LINGO2: variants seen among roughly 807,000 people sequenced by gnomAD.
LINGO2 encodes leucine rich repeat and Ig domain containing 2.
In LINGO2, 14 loss-of-function variants were observed where a neutral mutation model predicts 30.6. The ratio of observed to expected loss-of-function variants is 0.46; its 90% CI spans 0.30 to 0.72. The LOEUF (loss-of-function observed/expected upper bound fraction) is 0.72, where lower values mean the gene tolerates loss of function less well. Among genes scored for constraint, LINGO2 ranks in the 30% least tolerant of loss-of-function variants. The probability of loss-of-function intolerance (pLI) is 0.07; values close to 1 mark genes in which losing one functional copy is unlikely to be tolerated. For missense variants in LINGO2, 729 were observed against 751.7 expected, an observed-to-expected ratio of 0.97 and a Z score of 0.35; for synonymous variants, 317 against 288.5, an observed-to-expected ratio of 1.10 and a Z score of -1.00.
the LINGO2 span, among the ~76,000 whole-genome samples, chr9:28,772,521 C>A: frequency 3.5e-4 from 54 of 152,328 alleles, no homozygotes; most frequent in Non-Finnish European, 7.1e-4. Flanking sequence ...CTTAGCAATT[C>A]TTCAGTAAAT....
At chr9:28,426,240 C>G (rs1393929278) in intron 2 of LINGO2, among the ~76,000 whole-genome samples, 1 of 151,924 alleles carries the variant, frequency 6.6e-6, no homozygotes, top group Non-Finnish European at 1.5e-5. Context: ...ACATCCCCCT[C>G]CAAAATAAAA....
the LINGO2 span, among the ~76,000 whole-genome samples, chr9:28,922,564 A>T: frequency 1.3e-5 from 2 of 152,228 alleles, no homozygotes; most frequent in Non-Finnish European, 2.9e-5. Flanking sequence ...AATTAAAATC[A>T]TATCTCAGTT....
the LINGO2 span, among the ~76,000 whole-genome samples, chr9:29,040,293 T>C: frequency 6.6e-6 from 1 of 152,016 alleles, no homozygotes; most frequent in African/African-American, 2.4e-5. Context: ...AAATATAAAT[T>C]TGGAATCTTT....
intron 4 of LINGO2, among the ~76,000 whole-genome samples, chr9:28,055,624 A>G (rs960367517): frequency 6.6e-6 from 1 of 152,190 alleles, no homozygotes; most frequent in Non-Finnish European, 1.5e-5. Flanking sequence ...ATAGGCTTAC[A>G]TAAAAACGGC....
chr9:29,019,344 T>C, the LINGO2 span, among the ~76,000 whole-genome samples: 3 of 152,208 alleles, frequency 2.0e-5, no homozygotes, highest in Admixed American at 6.5e-5. Context: ...TTATATGTTA[T>C]ATCAGCAAAC....
At chr9:28,043,386 C>A (rs1824278244) in intron 4 of LINGO2, among the ~76,000 whole-genome samples, 1 of 152,160 alleles carries the variant, frequency 6.6e-6, no homozygotes, top group Admixed American at 6.5e-5. Context: ...TTACTGTACA[C>A]ATTGAGGAAG....
chr9:28,931,953 C>A, the LINGO2 span, among the ~76,000 whole-genome samples: 1 of 151,060 alleles, frequency 6.6e-6, no homozygotes, highest in Non-Finnish European at 1.5e-5. Context: ...ACTAAAAATA[C>A]AAAAATTAGC....
At chr9:29,076,616 A>T in the LINGO2 span, among the ~76,000 whole-genome samples, 16 of 132,886 alleles carry the variant, frequency 1.2e-4, no homozygotes, top group Non-Finnish European at 2.3e-4. Flanking sequence ...TATATAATAG[A>T]TATAATAAAT....
chr9:28,837,682 T>TATATATATATATATATATATATA, the LINGO2 span, among the ~76,000 whole-genome samples: 2 of 46,778 alleles, frequency 4.3e-5, no homozygotes, highest in Non-Finnish European at 1.0e-4. Flanking sequence ...ATATATATAT[T>TATATATATATATATATATATATA]TAGGATAACA....
In LINGO2 at chr9:28,202,996, A is replaced by G. The variant is rs1196918442; in HGVS notation, c.-87+92212T>C. ...TTTGGTTCACTACAAATCTTAGTAC[A>G]TACTTTAGTACTTAGAACCTAATGG... On this transcript the variant is annotated intron_variant, in intron 4 of 5. Transcript: ENST00000379992. 2.6e-5 allele frequency among the ~76,000 whole-genome samples: 4 copies of G among 152,340 alleles called. No homozygotes were observed. The East Asian group carries it at 7.7e-4, about 29-fold the overall frequency.
At chr9:28,716,421 G>T in the LINGO2 span, among the ~76,000 whole-genome samples, 1 of 152,008 alleles carries the variant, frequency 6.6e-6, no homozygotes, top group African/African-American at 2.4e-5. Context: ...CAAGGGGACA[G>T]GGAAAGTAAT....
chr9:29,126,986 T>A, the LINGO2 span, among the ~76,000 whole-genome samples: 2 of 152,112 alleles, frequency 1.3e-5, no homozygotes, highest in African/African-American at 4.8e-5. Context: ...CCAGTCAGAC[T>A]GGTCATGGGC....
intron 5 of LINGO2, among the ~76,000 whole-genome samples, chr9:27,975,782 A>C (rs1820564724): frequency 6.6e-6 from 1 of 152,154 alleles, no homozygotes. Context: ...TGCATTGAAA[A>C]TTTCCTAAAT....
intron 4 of LINGO2, among the ~76,000 whole-genome samples, chr9:28,277,725 C>A (rs190248240): frequency 2.0e-5 from 3 of 151,774 alleles, no homozygotes; most frequent in African/African-American, 4.8e-5. Flanking sequence ...AGGAGACTCA[C>A]TTGAACCCAG....
the LINGO2 span, among the ~76,000 whole-genome samples, chr9:28,685,953 T>C: frequency 2.0e-5 from 3 of 150,878 alleles, no homozygotes; most frequent in Non-Finnish European, 4.4e-5. Flanking sequence ...GGGTGCATGA[T>C]TTCTTTTATA....
chr9:28,754,437 C>T, the LINGO2 span, among the ~76,000 whole-genome samples: 1 of 151,944 alleles, frequency 6.6e-6, no homozygotes, highest in Non-Finnish European at 1.5e-5. Context: ...GGGAGAAATC[C>T]CAGAAGATAC....
chr9:28,024,019 T>G (rs1300057282), intron 4 of LINGO2, among the ~76,000 whole-genome samples: 1 of 152,202 alleles, frequency 6.6e-6, no homozygotes, highest in Non-Finnish European at 1.5e-5. Flanking sequence ...GATAGCAGTT[T>G]GCTTTGTATT....
chr9:29,167,870 G>A, the LINGO2 span, among the ~76,000 whole-genome samples: 1 of 152,022 alleles, frequency 6.6e-6, no homozygotes, highest in African/African-American at 2.4e-5. Flanking sequence ...ATGAGAAATG[G>A]CTTATGTACC....
chr9:28,755,016 T>G, the LINGO2 span, among the ~76,000 whole-genome samples: 2 of 151,978 alleles, frequency 1.3e-5, no homozygotes, highest in Non-Finnish European at 2.9e-5. Flanking sequence ...TAAATTACAT[T>G]AATAATTAAT....
Sources: gnomAD v4.1 joint callset for allele counts (sites outside exome capture counted in the v4.1 genomes callset) on GRCh38, gnomAD v4.1.1 for gene constraint, MANE v1.5 for transcripts, NCBI Gene and HGNC (gene_info 2026-07-23, HGNC 2026-07-21) for gene names.